The following POTEJ variants were observed in gnomAD, a reference collection of about 807,000 sequenced individuals.
The protein encoded by POTEJ is POTE ankyrin domain family, member J.
Under a neutral mutation model 69.0 loss-of-function variants are expected in POTEJ, and 11 were observed. The observed-to-expected ratio is 0.16, with a 90% CI of 0.10 to 0.26. The LOEUF (loss-of-function observed/expected upper bound fraction) is 0.26, where lower values mean the gene tolerates loss of function less well. Among genes scored for constraint, POTEJ ranks in the 10% least tolerant of loss-of-function variants. The probability of loss-of-function intolerance (pLI) is 1.00; values close to 1 mark genes in which losing one functional copy is unlikely to be tolerated. For synonymous variants in POTEJ, 117 were observed against 381.1 expected (o/e 0.31, Z 8.07); for missense variants, 327 against 1,045.5 (o/e 0.31, Z 9.48).
chr2:130,657,292 TG>T lies in POTEJ; in HGVS notation c.2535del (p.Arg846GlyfsTer3). 6.3e-7 allele frequency: 1 copy of T among 1,597,172 alleles called. No individual in the cohort carries two copies. The highest frequency in any genetic ancestry group is 1.1e-5 in the South Asian group (1 of 90,736). The part of the protein sequence containing the change: ...PHATLRLDLA[G>X]RELTDYLMKI... ...ATGCCACCCTGCGCCTAGACCTGGC[TG>T]GGCGGGAACTGACTGACTACCTCAT... On this transcript the variant is annotated frameshift_variant, in exon 15 of 15. Coordinates refer to ENST00000409602, the MANE Select transcript of POTEJ (RefSeq NM_001277083.2). LOFTEE classifies it high-confidence loss of function.
At chr2:130,656,486 C>A in intron 14 of POTEJ, 63 bp from the exon 15 acceptor site, 5 of 1,549,898 alleles carry the variant, frequency 3.2e-6, no homozygotes, top group Non-Finnish European at 3.5e-6. Context: ...TTTTGAATTT[C>A]AAAAGAAATC....
At chr2:130,647,231 T>A (rs1370799051) in intron 13 of POTEJ, among the ~76,000 whole-genome samples, 6 of 151,214 alleles carry the variant, frequency 4.0e-5, no homozygotes, top group African/African-American at 1.5e-4. Context: ...TCTTAAGAGT[T>A]CTTGTTAAAA....
intron 9 of POTEJ, among the ~76,000 whole-genome samples, chr2:130,638,155 A>G (rs1205895748): frequency 6.6e-6 from 1 of 150,520 alleles, no homozygotes; most frequent in Non-Finnish European, 1.5e-5. Flanking sequence ...CATAAAGTTT[A>G]GGAACAAATT....
rs562348966 is a variant in POTEJ, at chr2:130,615,672, G to A, written c.411-1118G>A. The stretch of plus-strand genomic sequence containing the variant: ...GAACGGGTACTGGGCTTAACACCTG[G>A]GTAATGAAATAATCTGTACAACCAA... On this transcript the variant is annotated intron_variant, in intron 1 of 14. Coordinates refer to ENST00000409602, the MANE Select transcript of POTEJ (RefSeq NM_001277083.2). Among the ~76,000 whole-genome samples, 106 of 146,522 alleles carry A rather than the reference G, an allele frequency of 7.2e-4. 1 individual carries two copies. The highest frequency in any genetic ancestry group is 1.5e-3 in the African/African-American group (58 of 38,014).
intron 6 of POTEJ, among the ~76,000 whole-genome samples, chr2:130,629,315 A>G (rs1265408300): frequency 6.0e-5 from 9 of 149,960 alleles, no homozygotes; most frequent in African/African-American, 2.3e-4. Context: ...AAGGCAGTTA[A>G]TCATATAGTG....
At chr2:130,628,755 C>T (rs1288424064) in intron 6 of POTEJ, among the ~76,000 whole-genome samples, 1 of 149,228 alleles carries the variant, frequency 6.7e-6, no homozygotes, top group Non-Finnish European at 1.5e-5. Context: ...AGTGTGGTGG[C>T]TCACACCTCT....
At chr2:130,612,826 TA>T (rs1172756513) in intron 1 of POTEJ, among the ~76,000 whole-genome samples, 12 of 135,378 alleles carry the variant, frequency 8.9e-5, no homozygotes, top group Non-Finnish European at 1.9e-4. Context: ...ATAAGCCAAA[TA>T]AAAATAGCAA....
chr2:130,640,328 G>A (rs1431397955), intron 10 of POTEJ, among the ~76,000 whole-genome samples: 1 of 143,570 alleles, frequency 7.0e-6, no homozygotes, highest in African/African-American at 2.7e-5. Flanking sequence ...GAGGTTGGGA[G>A]TGAGGTGAAT....
intron 1 of POTEJ, among the ~76,000 whole-genome samples, chr2:130,613,295 TATAC>T (rs1166956946): frequency 3.1e-5 from 4 of 131,046 alleles, no homozygotes; most frequent in South Asian, 2.3e-4. Flanking sequence ...TATACATATA[TATAC>T]ATATGTATAT....
At chr2:130,644,525 G>A (rs1239686902) in intron 11 of POTEJ, among the ~76,000 whole-genome samples, 1 of 152,238 alleles carries the variant, frequency 6.6e-6, no homozygotes, top group Non-Finnish European at 1.5e-5. Flanking sequence ...AATAAAATCA[G>A]CAACCTTGTT....
intron 9 of POTEJ, among the ~76,000 whole-genome samples, chr2:130,633,690 A>C (rs1326159644): frequency 2.2e-4 from 32 of 144,214 alleles, no homozygotes; most frequent in African/African-American, 8.7e-4. Context: ...GCTAGTTATT[A>C]AATTTTTATT....
chr2:130,633,392 T>C (rs1367466482), intron 9 of POTEJ, among the ~76,000 whole-genome samples: 5 of 138,776 alleles, frequency 3.6e-5, no homozygotes, highest in Non-Finnish European at 6.2e-5. Context: ...ACAGCATTAT[T>C]ATATCAAAAA....
At chr2:130,615,811 A>C (rs371248941) in intron 1 of POTEJ, among the ~76,000 whole-genome samples, 1 of 145,112 alleles carries the variant, frequency 6.9e-6, no homozygotes, top group South Asian at 2.1e-4. Context: ...ATTTTAAAAC[A>C]ACAAAATTTA....
intron 10 of POTEJ, among the ~76,000 whole-genome samples, chr2:130,643,497 C>G (rs2105246626): frequency 1.5e-5 from 2 of 132,590 alleles, no homozygotes; most frequent in African/African-American, 5.7e-5. Context: ...AGCCTGGTGA[C>G]AGAGGAAGAC....
At chr2:130,626,914 T>G (rs550268978) in intron 6 of POTEJ, among the ~76,000 whole-genome samples, 1 of 152,180 alleles carries the variant, frequency 6.6e-6, no homozygotes, top group African/African-American at 2.4e-5. Flanking sequence ...GCAGGCTTTT[T>G]TTTAAATAAA....
At position 130,643,977 on chromosome 2, in the gene POTEJ, C is replaced by A. The variant is rs946989612; in HGVS notation, c.1370-6C>A. Reference sequence around the variant, plus strand: ...ATTTTAACTGAATATATGGATTTTTCAACAGAACAAGACTTAAAGCTGACA... The same window carrying A: ...ATTTTAACTGAATATATGGATTTTTAAACAGAACAAGACTTAAAGCTGACA... On this transcript the variant is annotated splice_region_variant and splice_polypyrimidine_tract_variant and intron_variant, in intron 10 of 14. Transcript: ENST00000409602. The A allele has an allele frequency of 5.6e-6, 1 of 178,424 alleles. No homozygotes were observed. Among genetic ancestry groups the A allele is most frequent in the Non-Finnish European group, 1.0e-5 (1 of 100,174 alleles). The allele number at this position is 178,424 out of a possible 1,614,324, so 11.1% of individuals were successfully genotyped here. A position where few individuals can be genotyped will look rare whatever the true frequency, so the allele number is the denominator to read the frequency against.
intron 1 of POTEJ, among the ~76,000 whole-genome samples, chr2:130,613,289 CATATATAT>C (rs1171559176): frequency 5.7e-5 from 5 of 87,632 alleles, no homozygotes; most frequent in Admixed American, 2.2e-4. Context: ...TGTATATATA[CATATATAT>C]ACATATGTAT....
At chr2:130,636,948 A>G (rs1686114745) in intron 9 of POTEJ, among the ~76,000 whole-genome samples, 1 of 146,802 alleles carries the variant, frequency 6.8e-6, no homozygotes, top group Admixed American at 6.9e-5. Context: ...GTGTGGTGGC[A>G]TGCGCCTGTA....
intron 9 of POTEJ, among the ~76,000 whole-genome samples, chr2:130,638,157 G>A (rs1334717454): frequency 6.7e-6 from 1 of 150,192 alleles, no homozygotes; most frequent in Non-Finnish European, 1.5e-5. Context: ...TAAAGTTTAG[G>A]AACAAATTAT....
Sources: allele counts gnomAD v4.1 joint callset (sites outside exome capture counted in the v4.1 genomes callset), GRCh38; gene constraint gnomAD v4.1.1; transcripts MANE v1.5; gene names NCBI Gene and HGNC (gene_info 2026-07-23, HGNC 2026-07-21).